SSPN: variants seen among roughly 807,000 people sequenced by gnomAD.
SSPN encodes sarcospan, also known as K-ras oncogene-associated protein.
A neutral mutation model predicts 19.1 loss-of-function variants in SSPN; 15 were observed. The ratio of observed to expected loss-of-function variants is 0.78; its 90% confidence interval spans 0.52 to 1.21. SSPN has a LOEUF of 1.21. Among genes scored for constraint, SSPN ranks in the 50% most tolerant of loss-of-function variants. The probability of loss-of-function intolerance (pLI) is 0.00; values close to 1 mark genes in which losing one functional copy is unlikely to be tolerated. For missense variants in SSPN, 291 were observed against 314.0 expected, an observed-to-expected ratio of 0.93 and a Z score of 0.55; for synonymous variants, 147 against 140.3, an observed-to-expected ratio of 1.05 and a Z score of -0.34.
At chr12:26,140,624 G>T (rs1434752941) in intron 1 of SSPN, among the ~76,000 whole-genome samples, 2 of 152,146 alleles carry the variant, frequency 1.3e-5, no homozygotes, top group Non-Finnish European at 1.5e-5. Context: ...TGGGTGAGTT[G>T]TCATGAGATC....
intron 1 of SSPN, among the ~76,000 whole-genome samples, chr12:26,154,502 C>T (rs570118622): frequency 2.8e-4 from 42 of 152,268 alleles, no homozygotes; most frequent in African/African-American, 9.1e-4. Flanking sequence ...ACCAATTCCT[C>T]TTAAGGGGCA....
At chr12:26,161,229 C>T (rs1213663713) in intron 1 of SSPN, among the ~76,000 whole-genome samples, 1 of 152,048 alleles carries the variant, frequency 6.6e-6, no homozygotes, top group Non-Finnish European at 1.5e-5. Flanking sequence ...GTCTACACAG[C>T]CCTTCATGAT....
intron 1 of SSPN, among the ~76,000 whole-genome samples, chr12:26,154,062 T>G (rs542694351): frequency 6.6e-6 from 1 of 152,296 alleles, no homozygotes; most frequent in African/African-American, 2.4e-5. Context: ...GTGGTTACAT[T>G]TAGAGCAGAT....
upstream of SSPN, among the ~76,000 whole-genome samples, chr12:26,192,292 T>C (rs1369549831): frequency 1.3e-5 from 2 of 152,240 alleles, no homozygotes; most frequent in African/African-American, 2.4e-5. Context: ...TTGTTTCTAC[T>C]GCGCCTTTTT....
chr12:26,233,750 T>A lies in SSPN; in HGVS notation c.*2674T>A, dbSNP rs1313635554. 1 of 152,214 alleles carries A rather than the reference T, an allele frequency of 6.6e-6. No individual in the cohort carries two copies. Among genetic ancestry groups the A allele is most frequent in the Non-Finnish European group, 1.5e-5 (1 of 68,038 alleles). 9.4% of individuals were successfully genotyped at this position (152,214 alleles called of 1,614,324 possible). A position where few individuals can be genotyped will look rare whatever the true frequency, so the allele number is the denominator to read the frequency against. On this transcript the variant is annotated 3_prime_UTR_variant, in exon 3 of 3. Coordinates refer to ENST00000242729, the MANE Select transcript of SSPN (RefSeq NM_005086.5). The surrounding 1 kb of genome is among the most constrained non-coding windows in gnomAD (Gnocchi z 4.3). Reference sequence around the variant, plus strand: ...AGTAAGATTTGTGCAACCCTCCTCCTCTTCCACCTCCTTCAGGAGAATTAA... The same window carrying A: ...AGTAAGATTTGTGCAACCCTCCTCCACTTCCACCTCCTTCAGGAGAATTAA...
chr12:26,124,436 G>A (rs1944344256), intron 1 of SSPN: 1 of 1,439,456 alleles, frequency 6.9e-7, no homozygotes, highest in Non-Finnish European at 9.8e-7. Flanking sequence ...GAATATATTT[G>A]CGGGCAGAGC....
chr12:26,194,565 T>C (rs1944809475), upstream of SSPN, among the ~76,000 whole-genome samples: 1 of 152,246 alleles, frequency 6.6e-6, no homozygotes, highest in Non-Finnish European at 1.5e-5. Context: ...TTTGTAGTTT[T>C]AGTGGAGACG....
chr12:26,135,853 A>G (rs1202464628), intron 1 of SSPN, among the ~76,000 whole-genome samples: 1 of 152,070 alleles, frequency 6.6e-6, no homozygotes, highest in East Asian at 1.9e-4. Flanking sequence ...TTCTGAGTCA[A>G]TTTTGTCATT....
intron 1 of SSPN, among the ~76,000 whole-genome samples, chr12:26,173,088 C>T (rs992318436): frequency 7.9e-5 from 12 of 152,134 alleles, no homozygotes; most frequent in African/African-American, 2.4e-4. Context: ...TTATACATTT[C>T]GTGACCCTTC....
intron 1 of SSPN, among the ~76,000 whole-genome samples, chr12:26,199,239 G>A (rs1357166012): frequency 6.6e-6 from 1 of 152,200 alleles, no homozygotes; most frequent in South Asian, 2.1e-4. Context: ...GGCCCTTGGT[G>A]ATCTATGATC....
intron 1 of SSPN, among the ~76,000 whole-genome samples, chr12:26,161,713 A>AT (rs1259681915): frequency 6.6e-6 from 1 of 152,072 alleles, no homozygotes; most frequent in Non-Finnish European, 1.5e-5. Context: ...ATGGAAGACA[A>AT]TTTTTCCAAA....
chr12:26,216,039 G>A (rs530215890), intron 1 of SSPN, among the ~76,000 whole-genome samples: 2 of 152,252 alleles, frequency 1.3e-5, no homozygotes, highest in African/African-American at 4.8e-5. Flanking sequence ...TTAAATGCAA[G>A]AATACATGTC....
intron 1 of SSPN, among the ~76,000 whole-genome samples, chr12:26,159,045 T>A (rs1380902405): frequency 6.6e-6 from 1 of 152,212 alleles, no homozygotes; most frequent in Non-Finnish European, 1.5e-5. Flanking sequence ...ACAGCAGCCA[T>A]GTGACCAGCT....
At chr12:26,173,831 C>T (rs1434460325) in intron 1 of SSPN, among the ~76,000 whole-genome samples, 3 of 152,126 alleles carry the variant, frequency 2.0e-5, no homozygotes, top group African/African-American at 7.2e-5. Flanking sequence ...ATTACGTCAA[C>T]TGTGGCTTAC....
chr12:26,139,290 G>C (rs574793453), intron 1 of SSPN, among the ~76,000 whole-genome samples: 38 of 152,246 alleles, frequency 2.5e-4, no homozygotes, highest in African/African-American at 8.9e-4. Flanking sequence ...CATTAATGTT[G>C]ATTGAAATTT....
At chr12:26,145,465 T>A (rs1199397435) in intron 1 of SSPN, among the ~76,000 whole-genome samples, 1 of 152,058 alleles carries the variant, frequency 6.6e-6, no homozygotes, top group East Asian at 1.9e-4. Context: ...GTCAATGGAA[T>A]TGGGGAAAAG....
At chr12:26,202,549 A>G (rs1944895455) in intron 1 of SSPN, among the ~76,000 whole-genome samples, 1 of 152,110 alleles carries the variant, frequency 6.6e-6, no homozygotes, top group Non-Finnish European at 1.5e-5. Context: ...TGATATTACC[A>G]CTCTTAACCT....
At chr12:26,228,062 C>T (rs1483832815) in intron 2 of SSPN, among the ~76,000 whole-genome samples, 1 of 152,112 alleles carries the variant, frequency 6.6e-6, no homozygotes, top group Non-Finnish European at 1.5e-5. Context: ...GGATTATTGT[C>T]ATTGCTTCAA....
intron 1 of SSPN, among the ~76,000 whole-genome samples, chr12:26,142,397 T>C (rs1162792330): frequency 1.3e-5 from 2 of 152,156 alleles, no homozygotes; most frequent in African/African-American, 4.8e-5. Context: ...GAAAGTATTT[T>C]AGAGGTGCGT....
Sources: allele counts gnomAD v4.1 joint callset (sites outside exome capture counted in the v4.1 genomes callset), GRCh38; gene constraint gnomAD v4.1.1; non-coding constraint Gnocchi (gnomAD v3.1); transcripts MANE v1.5; gene names NCBI Gene and HGNC (gene_info 2026-07-23, HGNC 2026-07-21).